CDKL2: variants seen among roughly 807,000 people sequenced by gnomAD.
CDKL2 encodes the protein cyclin-dependent kinase-like 2.
In CDKL2, 64 loss-of-function variants were observed where a neutral mutation model predicts 63.9. The ratio of observed to expected loss-of-function variants is 1.00; its 90% CI spans 0.82 to 1.23. The LOEUF (loss-of-function observed/expected upper bound fraction) is 1.23. Among genes scored for constraint, CDKL2 ranks in the 50% most tolerant of loss-of-function variants. CDKL2 has a pLI of 0.00. For synonymous variants in CDKL2, 211 were observed against 229.2 expected (o/e 0.92, Z 0.72); for missense variants, 656 against 668.0 (o/e 0.98, Z 0.20).
At chr4:75,594,456 A>G (rs1011947567) in intron 10 of CDKL2, among the ~76,000 whole-genome samples, 6 of 152,160 alleles carry the variant, frequency 3.9e-5, no homozygotes. Context: ...TCGAAAAAAA[A>G]AAAAAATTAT....
chr4:75,584,106 GTTAA>G (rs1281507445), intron 12 of CDKL2, among the ~76,000 whole-genome samples: 9 of 152,200 alleles, frequency 5.9e-5, no homozygotes, highest in Non-Finnish European at 8.8e-5. Context: ...CTAATTAGCT[GTTAA>G]TTGTTACTAA....
rs965936174 is a variant in CDKL2, at chr4:75,578,968, C to T, written c.*234G>A. The T allele has an allele frequency of 1.3e-5, 2 of 152,558 alleles. No homozygotes were observed. Among genetic ancestry groups the T allele is most frequent in the Non-Finnish European group, 1.5e-5 (1 of 68,030 alleles). The allele number at this position is 152,558 out of a possible 1,614,324, so 9.5% of individuals were successfully genotyped here. A position where few individuals can be genotyped will look rare whatever the true frequency, so the allele number is the denominator to read the frequency against. ...TATGTCTTGAAATAGCATCGGTGGA[C>T]GTGAAAGGTAATGGGATAACAGTTG... On this transcript the variant is annotated 3_prime_UTR_variant, in exon 14 of 14. Transcript: ENST00000307465.
rs1048819439 is a variant in CDKL2 at position 75,578,238 on chromosome 4, G to C, written c.*964C>G. The C allele has an allele frequency of 1.3e-5, 2 of 152,148 alleles. No homozygotes were observed. The highest frequency in any genetic ancestry group is 6.5e-5 in the Admixed American group (1 of 15,268). 9.4% of individuals were successfully genotyped at this position (152,148 alleles called of 1,614,324 possible). On this transcript the variant is annotated 3_prime_UTR_variant, in exon 14 of 14. Coordinates refer to ENST00000307465, the MANE Select transcript of CDKL2 (RefSeq NM_001330724.2). ...AGTGTTTGAGGCCACAAGGAGACAGGAACTTCTCTGGATTCTAGTATCACC... is the reference window on the plus strand; with the variant it reads ...AGTGTTTGAGGCCACAAGGAGACAGCAACTTCTCTGGATTCTAGTATCACC...
chr4:75,618,357 CA>C (rs1404060140), intron 2 of CDKL2, among the ~76,000 whole-genome samples: 1 of 131,244 alleles, frequency 7.6e-6, no homozygotes, highest in Non-Finnish European at 1.5e-5. Flanking sequence ...CAGGTTCAAG[CA>C]ATTCTCCTGC....
intron 5 of CDKL2, among the ~76,000 whole-genome samples, 188 bp downstream of exon 5, chr4:75,605,334 G>A (rs2148888625): frequency 6.7e-6 from 1 of 149,830 alleles, no homozygotes; most frequent in Admixed American, 6.7e-5. Flanking sequence ...GCCTGGGCAA[G>A]GAGAGCGAAA....
intron 12 of CDKL2, among the ~76,000 whole-genome samples, chr4:75,585,588 A>G (rs1728441985): frequency 6.6e-6 from 1 of 151,958 alleles, no homozygotes; most frequent in Non-Finnish European, 1.5e-5. Context: ...GTGAGACCCC[A>G]TTTCTAAAAA....
At chr4:75,602,488 CTA>C (rs1729240024) in intron 6 of CDKL2, among the ~76,000 whole-genome samples, 1 of 148,790 alleles carries the variant, frequency 6.7e-6, no homozygotes, top group Non-Finnish European at 1.5e-5. Context: ...ATCCTATGCC[CTA>C]CATTTTAATA....
intron 2 of CDKL2, 31 bp from the exon 3 acceptor site, chr4:75,614,480 T>C: frequency 1.4e-6 from 2 of 1,388,368 alleles, no homozygotes; most frequent in Non-Finnish European, 2.0e-6. Context: ...ATAGCTGTTA[T>C]TTAAAAATGC....
chr4:75,598,326 A>T, intron 7 of CDKL2, 114 bp from the exon 8 acceptor site: 1 of 537,120 alleles, frequency 1.9e-6, no homozygotes, highest in South Asian at 3.9e-5. Flanking sequence ...CTATGTTATT[A>T]AAAATGAGAA....
Position 75,577,144 on chromosome 4 carries a change from T to C in CDKL2, c.*2058A>G, listed in dbSNP as rs1481225296. On this transcript the variant is annotated 3_prime_UTR_variant, in exon 14 of 14. Transcript: ENST00000307465. ...GATAATATTTATTAATTTTAAAACA[T>C]ACATACATGCAGCAAGCCCACTGCT... Among the ~76,000 whole-genome samples the C allele has an allele frequency of 2.0e-5, 3 of 152,144 alleles. No homozygotes were observed.
At chr4:75,621,521 C>A (rs561541903) in intron 2 of CDKL2, among the ~76,000 whole-genome samples, 28 of 151,416 alleles carry the variant, frequency 1.8e-4, no homozygotes, top group Admixed American at 1.5e-3. Flanking sequence ...GAGAAAACGG[C>A]CTTTTTTTCT....
rs1219042673 is a variant in CDKL2 at position 75,625,237 on chromosome 4, T to C, written c.168+584A>G. Among the ~76,000 whole-genome samples, 4 of 152,174 alleles carry C rather than the reference T, an allele frequency of 2.6e-5. No individual in the cohort carries two copies. The East Asian group carries it at 7.7e-4, about 29-fold the overall frequency. On this transcript the variant is annotated intron_variant, in intron 2 of 13. Coordinates refer to ENST00000307465, the MANE Select transcript of CDKL2 (RefSeq NM_001330724.2). ...AAGAAATTTCAAAGAAATAAATTCT[T>C]ATATGGTGTATACTCAGAACATAGG...
chr4:75,617,569 T>C (rs552597544), intron 2 of CDKL2, among the ~76,000 whole-genome samples: 1 of 152,314 alleles, frequency 6.6e-6, no homozygotes, highest in African/African-American at 2.4e-5. Flanking sequence ...CATATCCTAA[T>C]GGAACTATAA....
chr4:75,594,311 G>A (rs1184390329), intron 10 of CDKL2, among the ~76,000 whole-genome samples: 1 of 152,072 alleles, frequency 6.6e-6, no homozygotes, highest in Non-Finnish European at 1.5e-5. Context: ...AGCTGGGTGT[G>A]GTGGCAGGTG....
chr4:75,614,178 G>T (rs1729825193), intron 3 of CDKL2, 77 bp downstream of exon 3: 5 of 919,152 alleles, frequency 5.4e-6, no homozygotes, highest in Non-Finnish European at 8.3e-6. Flanking sequence ...ATTTTCAAAT[G>T]CATAAATCAA....
intron 13 of CDKL2, among the ~76,000 whole-genome samples, chr4:75,581,495 C>T (rs1008470888): frequency 1.8e-4 from 28 of 152,216 alleles, no homozygotes; most frequent in African/African-American, 6.3e-4. Flanking sequence ...TACAGGCCCA[C>T]AGGGCAAATG....
In CDKL2 at chr4:75,614,396, T is replaced by G. The variant is rs1378054588; in HGVS notation, c.222A>C (p.Lys74Asn). ...VNLLEVCKKK[K>N]RWYLVFEFVD... ...CAAATTCAAAGACTAGGTACCATCG[T>G]TTTTTTTTCTTACACACTTCCAAGA... The change falls in exon 3 of 14, where the codon AAA (lysine) becomes AAC (asparagine). Residue 74 changes from lysine to asparagine, a missense_variant. By Grantham distance (94) the Lys-to-Asn change is moderately conservative. Coordinates refer to ENST00000307465, the MANE Select transcript of CDKL2 (RefSeq NM_001330724.2). 4.4e-6 allele frequency: 7 copies of G among 1,592,384 alleles called. No homozygotes were observed. Among genetic ancestry groups the G allele is most frequent in the Non-Finnish European group, 6.0e-6 (7 of 1,166,914 alleles).
Position 75,600,262 on chromosome 4 carries a change from A to G in CDKL2, c.884+19T>C. 1 of 1,553,228 alleles carries G rather than the reference A, an allele frequency of 6.4e-7. No individual in the cohort carries two copies. The highest frequency in any genetic ancestry group is 1.1e-5 in the South Asian group (1 of 87,418). ...ACCCTAGGTTGGTATGGCCTGAAAA[A>G]CATGGGTAAGTACTATACCTCTCAG... is the stretch of plus-strand genomic sequence containing the variant. On this transcript the variant is annotated intron_variant, in intron 7 of 13. Transcript: ENST00000307465.
At chr4:75,607,384 C>T (rs1330325623) in intron 3 of CDKL2, 23 bp from the exon 4 acceptor site, 7 of 1,583,090 alleles carry the variant, frequency 4.4e-6, no homozygotes. Flanking sequence ...CAGAGTGTGA[C>T]GGATGTTAAA....
Sources: gnomAD v4.1 joint callset for allele counts (sites outside exome capture counted in the v4.1 genomes callset) on GRCh38, gnomAD v4.1.1 for gene constraint, MANE v1.5 for transcripts, NCBI Gene and HGNC (gene_info 2026-07-23, HGNC 2026-07-21) for gene names.